Variants in NUP98 observed in about 807,000 individuals in gnomAD.
The protein encoded by NUP98 is nucleoporin 98 and 96 precursor.
A neutral mutation model predicts 191.9 loss-of-function variants in NUP98; 26 were observed. The observed-to-expected ratio is 0.14, with a 90% CI of 0.10 to 0.19. The LOEUF (loss-of-function observed/expected upper bound fraction) is 0.19. Among genes scored for constraint, NUP98 ranks in the 10% least tolerant of loss-of-function variants. NUP98 has a pLI of 1.00. For missense variants in NUP98, 1,941 were observed against 2,178.8 expected (o/e 0.89, Z 2.17); for synonymous variants, 808 against 778.4 (o/e 1.04, Z -0.63).
At chr11:3,794,119 A>G (rs2082449250) in intron 1 of NUP98, among the ~76,000 whole-genome samples, 1 of 152,174 alleles carries the variant, frequency 6.6e-6, no homozygotes, top group African/African-American at 2.4e-5. Context: ...TAGAGGTAGG[A>G]ATGTTGCTAA....
chr11:3,730,183 C>T (rs942952595), intron 14 of NUP98, among the ~76,000 whole-genome samples: 3 of 150,346 alleles, frequency 2.0e-5, no homozygotes, highest in Middle Eastern at 7.0e-3. Flanking sequence ...TGCAGTGAGC[C>T]GAGATCGTGC....
intron 1 of NUP98, among the ~76,000 whole-genome samples, chr11:3,793,621 A>T (rs1200873946): frequency 6.6e-6 from 1 of 151,856 alleles, no homozygotes; most frequent in African/African-American, 2.4e-5. Context: ...TTCTTTCCTT[A>T]CTAAAAAAAA....
chr11:3,754,357 C>T (rs774321446), intron 10 of NUP98, among the ~76,000 whole-genome samples: 3 of 151,990 alleles, frequency 2.0e-5, no homozygotes, highest in African/African-American at 4.8e-5. Flanking sequence ...ACCCGGGAGA[C>T]GGGGGTTGCA....
In NUP98 at chr11:3,784,604, A is replaced by C. The variant is rs528938863; in HGVS notation, c.-28-2459T>G. 3.3e-4 allele frequency among the ~76,000 whole-genome samples: 50 copies of C among 150,400 alleles called. 1 individual carries two copies. The South Asian group carries it at 0.01, about 30-fold the overall frequency. ...TAAAAACAAAAAAAAAACAAAAAAA[A>C]ACAAAAAACATGGTGCACACCTGTA... is the stretch of plus-strand genomic sequence containing the variant. On this transcript the variant is annotated intron_variant, in intron 1 of 32. Coordinates refer to ENST00000324932, the MANE Select transcript of NUP98 (RefSeq NM_016320.5).
chr11:3,683,351 G>A lies in NUP98; in HGVS notation c.4767C>T (p.Thr1589=), dbSNP rs1196050016. Residue 1589 remains threonine, a synonymous_variant, in exon 30 of 33, where the codon ACC becomes ACT. Coordinates refer to ENST00000324932, the MANE Select transcript of NUP98 (RefSeq NM_016320.5). The part of the protein sequence containing the change: ...PESWAKETFL[T]QKLRVPAKWI... ...ATTTGGCAGGTACACGGAGCTTCTG[G>A]GTAAGGAAAGTCTCTTTAGCCCAAG... The A allele has an allele frequency of 6.2e-7, 1 of 1,614,032 alleles. No homozygotes were observed. The highest frequency in any genetic ancestry group is 2.2e-5 in the East Asian group (1 of 44,896).
At chr11:3,729,705 ACT>A (rs1280332715) in intron 14 of NUP98, among the ~76,000 whole-genome samples, 2 of 122,302 alleles carry the variant, frequency 1.6e-5, no homozygotes, top group Non-Finnish European at 3.3e-5. Flanking sequence ...ATGGCATAAG[ACT>A]CTTGCCTCAA....
At chr11:3,739,467 G>A (rs901980029) in intron 12 of NUP98, among the ~76,000 whole-genome samples, 2 of 151,868 alleles carry the variant, frequency 1.3e-5, no homozygotes, top group East Asian at 1.9e-4. Context: ...CAGGATGGTC[G>A]AACTCCTGAC....
At chr11:3,707,443 T>A (rs2078892113) in intron 20 of NUP98, among the ~76,000 whole-genome samples, 1 of 151,942 alleles carries the variant, frequency 6.6e-6, no homozygotes, top group South Asian at 2.1e-4. Context: ...ATTTGAAATA[T>A]TTTCAAACCA....
intron 20 of NUP98, chr11:3,712,284 A>C (rs2079042368): frequency 2.5e-6 from 3 of 1,197,834 alleles, no homozygotes; most frequent in Non-Finnish European, 3.1e-6. Context: ...CACTGAGCAG[A>C]GAATTCAGCA....
At chr11:3,786,866 T>C (rs1382978389) in intron 1 of NUP98, among the ~76,000 whole-genome samples, 1 of 152,242 alleles carries the variant, frequency 6.6e-6, no homozygotes, top group Non-Finnish European at 1.5e-5. Context: ...TCCCAAGACA[T>C]TTCCAATTTG....
At chr11:3,745,311 T>G (rs2080449387) in intron 11 of NUP98, among the ~76,000 whole-genome samples, 1 of 152,232 alleles carries the variant, frequency 6.6e-6, no homozygotes, top group African/African-American at 2.4e-5. Context: ...TACCATCTCA[T>G]GAAAACTGGT....
In NUP98 at chr11:3,713,920, G is replaced by A. The variant is rs1343740928; in HGVS notation, c.2475C>T (p.Arg825=). Residue 825 remains arginine (R), a synonymous_variant, in exon 19 of 33, where the codon CGC becomes CGT. Coordinates refer to ENST00000324932, the MANE Select transcript of NUP98 (RefSeq NM_016320.5). The part of the protein sequence containing the change: ...TSRCLIKSPD[R]LADINYEGRL... The stretch of plus-strand genomic sequence containing the variant: ...TTCCTTCATAGTTGATATCAGCAAG[G>A]CGATCTGGGCTCTTTATTAAACAAC... 6.2e-7 allele frequency: 1 copy of A among 1,614,058 alleles called. No individual in the cohort carries two copies. The highest frequency in any genetic ancestry group is 8.5e-7 in the Non-Finnish European group (1 of 1,179,998).
chr11:3,678,888 A>G (rs1402764545), intron 31 of NUP98, among the ~76,000 whole-genome samples: 1 of 152,120 alleles, frequency 6.6e-6, no homozygotes, highest in Admixed American at 6.6e-5. Flanking sequence ...TTGGGAGGCC[A>G]AGGTGGGCCG....
At chr11:3,718,563 A>G (rs117907049) in intron 18 of NUP98, among the ~76,000 whole-genome samples, 13 of 152,206 alleles carry the variant, frequency 8.5e-5, no homozygotes, top group Non-Finnish European at 1.5e-4. Context: ...AAAGAAAGAA[A>G]GAAGAGAAAG....
intron 25 of NUP98, chr11:3,696,837 C>CA (rs940490455): frequency 7.8e-5 from 11 of 141,256 alleles, no homozygotes; most frequent in African/African-American, 1.9e-4. Flanking sequence ...AAACAAAAAA[C>CA]AAAAAAAAAG....
In NUP98 at chr11:3,699,249, T is replaced by C. The variant is rs757620840; in HGVS notation, c.3842A>G (p.Gln1281Arg). 4 of 1,614,044 alleles carry C rather than the reference T, an allele frequency of 2.5e-6. No individual in the cohort carries two copies. Among genetic ancestry groups the C allele is most frequent in the Middle Eastern group, 1.6e-4 (1 of 6,082 alleles). Residue 1281 changes from glutamine (Q) to arginine (R), a missense_variant, in exon 25 of 33, where the codon CAA (glutamine) becomes CGA (arginine). Physicochemically the swap from Gln to Arg is conservative, Grantham distance 43 (BLOSUM62 1). Transcript: ENST00000324932. ...SQLNEPREYIQILERRRAFSR... is the reference protein window; with the variant it reads ...SQLNEPREYIRILERRRAFSR... ...GAAAGCTCTTCTTCGCTCCAGAATT[T>C]GAATGTATTCACGGGGTTCATTTAG...
chr11:3,688,561 G>A lies in NUP98; in HGVS notation c.4455-2367C>T, dbSNP rs1291340316. On this transcript the variant is annotated intron_variant, in intron 28 of 32. Coordinates refer to ENST00000324932, the MANE Select transcript of NUP98 (RefSeq NM_016320.5). ...TATAATCCCAGCACTTTGGGAGGCC[G>A]AGGCAGGAGGATTACTTGAGGTCAG... Among the ~76,000 whole-genome samples, 8 of 151,566 alleles carry A rather than the reference G, an allele frequency of 5.3e-5. No individual in the cohort carries two copies. In the East Asian group the frequency reaches 9.7e-4, roughly 18 times the overall value.
intron 20 of NUP98, among the ~76,000 whole-genome samples, chr11:3,709,674 G>GAA (rs767248887): frequency 7.6e-6 from 1 of 132,090 alleles, no homozygotes; most frequent in Non-Finnish European, 1.6e-5. Context: ...CTTTGCCTCA[G>GAA]AAAAAAAAAA....
At chr11:3,773,286 C>G (rs2081592591) in intron 6 of NUP98, among the ~76,000 whole-genome samples, 1 of 151,966 alleles carries the variant, frequency 6.6e-6, no homozygotes, top group Non-Finnish European at 1.5e-5. Context: ...TGCCAGTGGT[C>G]CCACCTACTT....
Sources: gnomAD v4.1 joint callset for allele counts (sites outside exome capture counted in the v4.1 genomes callset) on GRCh38, gnomAD v4.1.1 for gene constraint, MANE v1.5 for transcripts, NCBI Gene and HGNC (gene_info 2026-07-23, HGNC 2026-07-21) for gene names.